The following BMPER variants were observed in gnomAD, a reference collection of about 807,000 sequenced individuals.
BMPER encodes BMP binding endothelial regulator, also known as BMP-binding endothelial regulator protein.
Under a neutral mutation model 87.3 loss-of-function variants are expected in BMPER, and 45 were observed. That is an observed-to-expected ratio of 0.52 (90% confidence interval 0.41 to 0.66). The LOEUF (loss-of-function observed/expected upper bound fraction) is 0.66, where lower values mean the gene tolerates loss of function less well. BMPER is among the 30% of genes least tolerant of loss of function. The probability of loss-of-function intolerance (pLI) is 0.00; values close to 1 mark genes in which losing one functional copy is unlikely to be tolerated. For synonymous variants in BMPER, 326 were observed against 316.2 expected, an observed-to-expected ratio of 1.03 and a Z score of -0.33; for missense variants, 784 against 867.5, an observed-to-expected ratio of 0.90 and a Z score of 1.21.
intron 6 of BMPER, among the ~76,000 whole-genome samples, chr7:33,993,760 T>G (rs1035951939): frequency 2.6e-5 from 4 of 152,192 alleles, no homozygotes; most frequent in Admixed American, 6.5e-5. Flanking sequence ...TTTATCTACT[T>G]TTGGTCTTTG....
At chr7:34,068,966 G>A (rs75720472) in intron 11 of BMPER, among the ~76,000 whole-genome samples, 12,024 of 152,138 alleles carry the variant, frequency 0.079, 683 homozygotes, top group African/African-American at 0.16. Context: ...CTGGATTTTT[G>A]CTTGGGAAAG....
chr7:34,005,401 C>G (rs571198964), intron 6 of BMPER, among the ~76,000 whole-genome samples: 1 of 151,996 alleles, frequency 6.6e-6, no homozygotes, highest in East Asian at 1.9e-4. Context: ...AGATTTTTGC[C>G]TTCTTTTAAC....
chr7:34,106,342 C>T (rs1789817050), intron 13 of BMPER, among the ~76,000 whole-genome samples: 1 of 152,202 alleles, frequency 6.6e-6, no homozygotes, highest in African/African-American at 2.4e-5. Flanking sequence ...CTTCCATTTG[C>T]AGGTCATACG....
intron 14 of BMPER, 59 bp downstream of exon 14, chr7:34,143,419 A>G: frequency 6.8e-6 from 11 of 1,607,348 alleles, no homozygotes; most frequent in Non-Finnish European, 9.4e-6. Flanking sequence ...CAAGATGGCA[A>G]TGGAGGAGAC....
chr7:34,032,945 T>A (rs1446951020), intron 6 of BMPER, among the ~76,000 whole-genome samples: 1 of 152,142 alleles, frequency 6.6e-6, no homozygotes, highest in Non-Finnish European at 1.5e-5. Context: ...TCCTCAAGGC[T>A]GCAACAGGCC....
chr7:34,080,931 T>A (rs1198840993), intron 12 of BMPER, among the ~76,000 whole-genome samples: 2 of 152,140 alleles, frequency 1.3e-5, no homozygotes, highest in East Asian at 3.8e-4. Flanking sequence ...TAATAATAGA[T>A]CATAAATGCC....
chr7:34,011,583 CAAA>C (rs36022297), intron 6 of BMPER, among the ~76,000 whole-genome samples: 743 of 45,726 alleles, frequency 0.016, 3 homozygotes, highest in African/African-American at 0.046. Flanking sequence ...TTGGTCAGGG[CAAA>C]AAAAAAAAAA....
chr7:33,953,534 A>G (rs1406089737), intron 3 of BMPER, among the ~76,000 whole-genome samples: 1 of 152,170 alleles, frequency 6.6e-6, no homozygotes, highest in African/African-American at 2.4e-5. Flanking sequence ...TGGAATTGCC[A>G]GGACTGCTTG....
At chr7:34,146,063 G>GCA (rs139248229) in intron 14 of BMPER, among the ~76,000 whole-genome samples, 85 of 151,162 alleles carry the variant, frequency 5.6e-4, no homozygotes, top group Admixed American at 1.4e-3. Flanking sequence ...ATACACACAC[G>GCA]CACACACACA....
At chr7:33,996,811 G>C (rs1786424910) in intron 6 of BMPER, among the ~76,000 whole-genome samples, 1 of 152,096 alleles carries the variant, frequency 6.6e-6, no homozygotes, top group Non-Finnish European at 1.5e-5. Context: ...AAATATTATT[G>C]TTTCAACATG....
intron 6 of BMPER, among the ~76,000 whole-genome samples, chr7:33,977,206 T>C (rs1028742649): frequency 2.6e-5 from 4 of 152,196 alleles, no homozygotes; most frequent in African/African-American, 9.7e-5. Flanking sequence ...GTAAGCTTTT[T>C]TGTAGCTTGT....
intron 3 of BMPER, among the ~76,000 whole-genome samples, chr7:33,953,441 C>T (rs1242975983): frequency 6.6e-6 from 1 of 152,198 alleles, no homozygotes; most frequent in South Asian, 2.1e-4. Context: ...TTGGCCGAGA[C>T]ATTTCTTTCA....
intron 13 of BMPER, among the ~76,000 whole-genome samples, chr7:34,140,426 T>C: frequency 9.1e-6 from 1 of 110,150 alleles, no homozygotes; most frequent in Non-Finnish European, 2.3e-5. Flanking sequence ...TAAAAATACA[T>C]ACAACATTTT....
chr7:33,965,014 G>A (rs1232248076), intron 3 of BMPER, among the ~76,000 whole-genome samples: 2 of 152,096 alleles, frequency 1.3e-5, no homozygotes, highest in Non-Finnish European at 2.9e-5. Flanking sequence ...TCTTGTAAGC[G>A]CGTTTGTTCA....
At chr7:34,009,622 A>C (rs1786825982) in intron 6 of BMPER, among the ~76,000 whole-genome samples, 1 of 151,978 alleles carries the variant, frequency 6.6e-6, no homozygotes, top group African/African-American at 2.4e-5. Flanking sequence ...CCTGTGGATA[A>C]AACCGTATAA....
chr7:34,048,369 CAT>C (rs900126185), intron 7 of BMPER, among the ~76,000 whole-genome samples: 16 of 152,206 alleles, frequency 1.1e-4, no homozygotes, highest in African/African-American at 3.1e-4. Flanking sequence ...CACACACACA[CAT>C]GTTTAAAGTA....
intron 11 of BMPER, among the ~76,000 whole-genome samples, chr7:34,071,755 G>A (rs958716743): frequency 1.3e-5 from 2 of 152,142 alleles, no homozygotes; most frequent in African/African-American, 4.8e-5. Flanking sequence ...TACAGACCCT[G>A]AGCTCAGAAA....
At chr7:34,056,157 A>G (rs1228953620) in intron 9 of BMPER, among the ~76,000 whole-genome samples, 3 of 152,192 alleles carry the variant, frequency 2.0e-5, no homozygotes, top group Non-Finnish European at 4.4e-5. Flanking sequence ...GAAGTGTCGC[A>G]TGGTCTCACT....
At chr7:34,106,107 G>C (rs888533878) in intron 13 of BMPER, among the ~76,000 whole-genome samples, 1 of 152,090 alleles carries the variant, frequency 6.6e-6, no homozygotes, top group Admixed American at 6.5e-5. Context: ...GCTCTACTGG[G>C]GGCACACTCC....
Sources: gnomAD v4.1 joint callset for allele counts (sites outside exome capture counted in the v4.1 genomes callset) on GRCh38, gnomAD v4.1.1 for gene constraint, MANE v1.5 for transcripts, NCBI Gene and HGNC (gene_info 2026-07-23, HGNC 2026-07-21) for gene names.